Variants in MYH6 observed in about 807,000 individuals in gnomAD.
MYH6 encodes the protein myosin-6.
In MYH6, 126 loss-of-function variants were observed where a neutral mutation model predicts 223.2. The observed-to-expected ratio is 0.56, with a 90% CI of 0.49 to 0.65. The LOEUF is 0.65. Among genes scored for constraint, MYH6 ranks in the 30% least tolerant of loss-of-function variants. The probability of loss-of-function intolerance (pLI) is 0.00; values close to 1 mark genes in which losing one functional copy is unlikely to be tolerated. For missense variants in MYH6, 2,040 were observed against 2,536.4 expected (o/e 0.80, Z 4.20); for synonymous variants, 978 against 1,010.2 (o/e 0.97, Z 0.61).
In MYH6 at chr14:23,408,271, T is replaced by C; in HGVS notation, c.-65A>G. On this transcript the variant is annotated 5_prime_UTR_variant, in exon 1 of 39. Coordinates refer to ENST00000405093, the MANE Select transcript of MYH6 (RefSeq NM_002471.4). ...CTCTTACCTGGGCCGCAGGAGTCTC[T>C]CTATCTGTCCTCAAAGCTCCAGTTC... is the stretch of plus-strand genomic sequence containing the variant. The C allele has an allele frequency of 2.0e-6, 2 of 985,380 alleles. No homozygotes were observed. The highest frequency in any genetic ancestry group is 3.5e-5 in the African/African-American group (2 of 57,334). The allele number at this position is 985,380 out of a possible 1,614,324, so 61.0% of individuals were successfully genotyped here. A position where few individuals can be genotyped will look rare whatever the true frequency, so the allele number is the denominator to read the frequency against.
intron 15 of MYH6, among the ~76,000 whole-genome samples, chr14:23,397,944 T>TTCA (rs1566512375): frequency 1.6e-5 from 1 of 64,408 alleles, no homozygotes; most frequent in Admixed American, 1.6e-4. Flanking sequence ...CTTCTTCTTC[T>TTCA]TCTTCTTCTT....
At position 23,397,097 on chromosome 14, in the gene MYH6, G is replaced by A. The variant is rs1488047137; in HGVS notation, c.2051-17C>T. On this transcript the variant is annotated splice_polypyrimidine_tract_variant and intron_variant, in intron 17 of 38. Transcript: ENST00000405093. The stretch of plus-strand genomic sequence containing the variant: ...CCATCACCCCTGTGTCAGGAGGGAA[G>A]GGGAAAGGGTCAGCCTTAGGGTAAA... 2 of 1,614,252 alleles carry A rather than the reference G, an allele frequency of 1.2e-6. No individual in the cohort carries two copies. The highest frequency in any genetic ancestry group is 2.2e-5 in the South Asian group (2 of 91,084).
At chr14:23,388,500 C>T (rs992696048) in intron 29 of MYH6, 162 bp from the exon 30 acceptor site, 17 of 1,224,796 alleles carry the variant, frequency 1.4e-5, no homozygotes, top group African/African-American at 5.9e-5. Context: ...TCCGCCAGCA[C>T]GGGCTGCCCA....
chr14:23,396,620 C>T, intron 19 of MYH6, 74 bp downstream of exon 19: 1 of 1,610,474 alleles, frequency 6.2e-7, no homozygotes, highest in Non-Finnish European at 8.5e-7. Flanking sequence ...TAGGCTTCTG[C>T]CTCCTAAACT....
rs1891735145 is a variant in MYH6, at chr14:23,404,910, GC to G, written c.531-89del. 4.7e-6 allele frequency: 7 copies of G among 1,483,168 alleles called. No individual in the cohort carries two copies. In the African/African-American group the frequency reaches 8.3e-5, roughly 18 times the overall value. The allele number at this position is 1,483,168 out of a possible 1,614,324, so 91.9% of individuals were successfully genotyped here. A position where few individuals can be genotyped will look rare whatever the true frequency, so the allele number is the denominator to read the frequency against. On this transcript the variant is annotated intron_variant, in intron 6 of 38. Transcript: ENST00000405093. Reference sequence around the variant, plus strand: ...ATCACATGCTCCCCTTCCCAGCCTGGCCATCAGAGCCCAGCACCCAGCAGGA... The same window carrying G: ...ATCACATGCTCCCCTTCCCAGCCTGGCATCAGAGCCCAGCACCCAGCAGGA...
chr14:23,392,692 C>T, intron 24 of MYH6, 40 bp from the exon 25 acceptor site: 1 of 1,494,638 alleles, frequency 6.7e-7, no homozygotes, highest in Non-Finnish European at 9.3e-7. Context: ...GACAGGTAGC[C>T]TTCCTTCCTC....
In MYH6 at chr14:23,400,507, G is replaced by A; in HGVS notation, c.1411-81C>T. On this transcript the variant is annotated intron_variant, in intron 13 of 38. Coordinates refer to ENST00000405093, the MANE Select transcript of MYH6 (RefSeq NM_002471.4). The stretch of plus-strand genomic sequence containing the variant: ...GGGCTGTGCCCGTGCACTGTGCCGA[G>A]CCCAGCAGGGTATGGCTGTCCCCTC... 5.6e-6 allele frequency: 9 copies of A among 1,608,170 alleles called. 1 individual carries two copies. The South Asian group carries it at 9.9e-5, about 18-fold the overall frequency.
In MYH6 at chr14:23,394,131, C is replaced by T. The variant is rs1891323886; in HGVS notation, c.2622G>A (p.Glu874=). Residue 874 remains glutamate, a synonymous_variant, in exon 21 of 39, where the codon GAG becomes GAA. Transcript: ENST00000405093. ...GCAGGGACACCATCTTCTCCTCCAG[C>T]TCCTTGCGGCGAGCCTCGGACTTCT... ...TLEKSEARRK[E]LEEKMVSLLQ... 6.2e-7 allele frequency: 1 copy of T among 1,614,252 alleles called. No homozygotes were observed. Among genetic ancestry groups the T allele is most frequent in the Non-Finnish European group, 8.5e-7 (1 of 1,180,044 alleles).
rs1566512320 is a variant in MYH6 at position 23,397,937 on chromosome 14, CTTCTTCTTCT to C, written c.1892-334_1892-325del. 8.9e-3 allele frequency among the ~76,000 whole-genome samples: 534 copies of C among 60,212 alleles called. 26 individuals carry two copies. The highest frequency in any genetic ancestry group is 0.022 in the African/African-American group (343 of 15,326). 39.5% of individuals were successfully genotyped at this position (60,212 alleles called of 152,430 possible). On this transcript the variant is annotated intron_variant, in intron 15 of 38. Transcript: ENST00000405093. ...TCCTCCTCCTCCTCCTCCTCCTCTT[CTTCTTCTTCT>C]TCTTCTTCTTCTTCTTCTTCTTCTT...
chr14:23,396,428 C>A lies in MYH6; in HGVS notation c.2293-8G>T, dbSNP rs1891397463. On this transcript the variant is annotated splice_polypyrimidine_tract_variant and splice_region_variant and intron_variant, in intron 19 of 38. Transcript: ENST00000405093. ...CCCTGCCTTGAAGAACACCTGCAGG[C>A]AAGGGGTAGATGCAACAGGCCGCAG... 6.2e-7 allele frequency: 1 copy of A among 1,613,504 alleles called. No individual in the cohort carries two copies.
chr14:23,395,548 A>G (rs1891366251), intron 20 of MYH6, among the ~76,000 whole-genome samples: 1 of 149,584 alleles, frequency 6.7e-6, no homozygotes, highest in Admixed American at 6.6e-5. Context: ...TTTTTTTGAG[A>G]TGGAGTCTCG....
rs1439920300 is a variant in MYH6 at position 23,393,413 on chromosome 14, G to A, written c.3034C>T (p.Leu1012Phe). The change falls in exon 23 of 39, where the codon CTT becomes TTT. Residue 1012 changes from leucine (L) to phenylalanine (F), a missense_variant. This residue lies in a region of MYH6 where 1,203 missense variants were observed against 1,400.2 expected (regional missense o/e 0.86). Transcript: ENST00000405093. ...TTGACCTTGTCTTCCTCAACCTGAAGGTCATCCAGGGCCTGCTGATGGGCC... is the reference window on the plus strand; with the variant it reads ...TTGACCTTGTCTTCCTCAACCTGAAAGTCATCCAGGGCCTGCTGATGGGCC... ...QEAHQQALDDLQVEEDKVNSL... is the reference protein window; with the variant it reads ...QEAHQQALDDFQVEEDKVNSL... 1 of 1,614,134 alleles carries A rather than the reference G, an allele frequency of 6.2e-7. No homozygotes were observed. The highest frequency in any genetic ancestry group is 1.7e-4 in the Middle Eastern group (1 of 6,060).
chr14:23,389,794 A>T (rs1891175305), intron 26 of MYH6, 75 bp from the exon 27 acceptor site: 6 of 1,610,958 alleles, frequency 3.7e-6, no homozygotes, highest in Non-Finnish European at 5.1e-6. Flanking sequence ...AGGGTCAGAG[A>T]TGGGGAATGC....
rs1891210403 is a variant in MYH6 at position 23,390,574 on chromosome 14, G to A, written c.3343-128C>T. 2.0e-6 allele frequency: 3 copies of A among 1,520,794 alleles called. No homozygotes were observed. The Admixed American group carries it at 5.9e-5, about 30-fold the overall frequency. The allele number at this position is 1,520,794 out of a possible 1,614,324, so 94.2% of individuals were successfully genotyped here. A position where few individuals can be genotyped will look rare whatever the true frequency, so the allele number is the denominator to read the frequency against. On this transcript the variant is annotated intron_variant, in intron 25 of 38. Transcript: ENST00000405093. The stretch of plus-strand genomic sequence containing the variant: ...GGTTCTCAACTAGGGGCAATTTTGT[G>A]CCCCAGGGAACAGTTGGCAATGTCT...
At position 23,392,207 on chromosome 14, in the gene MYH6, CT is replaced by C. The variant is rs200757604; in HGVS notation, c.3342+354del. Among the ~76,000 whole-genome samples, 1,143 of 143,118 alleles carry C rather than the reference CT, an allele frequency of 8.0e-3. 14 individuals are homozygous for C. Among genetic ancestry groups the C allele is most frequent in the African/African-American group, 0.023 (890 of 39,176 alleles). 93.9% of individuals were successfully genotyped at this position (143,118 alleles called of 152,430 possible). On this transcript the variant is annotated intron_variant, in intron 25 of 38. Transcript: ENST00000405093. The stretch of plus-strand genomic sequence containing the variant: ...CTCACAGGAAGGTGCTCCTTGAAGC[CT>C]TTTTTTTTTTTCACCCTGCGTTCAG...
Position 23,392,566 on chromosome 14 carries a change from T to C in MYH6, c.3338A>G (p.Asn1113Ser). The change falls in exon 25 of 39, where the codon AAC becomes AGC. Residue 1113 changes from asparagine (N) to serine (S), a missense_variant. Transcript: ENST00000405093. ...TGCACTGGGAAAAAAAGTCACCTGG[T>C]TTTCCTTCAGTTTCTTCTGTAGTTG... ...ALQLQKKLKENQARIEELEEE... is the reference protein window; with the variant it reads ...ALQLQKKLKESQARIEELEEE... 1.2e-6 allele frequency: 2 copies of C among 1,611,968 alleles called. No homozygotes were observed. Among genetic ancestry groups the C allele is most frequent in the Non-Finnish European group, 8.5e-7 (1 of 1,178,200 alleles).
rs772688148 is a variant in MYH6, at chr14:23,398,803, C to T, written c.1816G>A (p.Val606Ile). Reference sequence around the variant, plus strand: ...GAGGACTTCTGGTACAGGGCCACAACAGTCTCGTTGAGAGGATCCTTGTTT... The same window carrying T: ...GAGGACTTCTGGTACAGGGCCACAATAGTCTCGTTGAGAGGATCCTTGTTT... ...EKNKDPLNET[V>I]VALYQKSSLK... The change falls in exon 15 of 39, where the codon GTT (valine) becomes ATT (isoleucine). Residue 606 changes from valine to isoleucine, a missense_variant. Physicochemically the swap from Val to Ile is conservative, Grantham distance 29. Around this residue, in one of 4 missense-constraint regions of MYH6, gnomAD observed 649 missense variants for 877.3 expected, o/e 0.74. Coordinates refer to ENST00000405093, the MANE Select transcript of MYH6 (RefSeq NM_002471.4). The T allele has an allele frequency of 6.2e-7, 1 of 1,614,092 alleles. No homozygotes were observed. Among genetic ancestry groups the T allele is most frequent in the Non-Finnish European group, 8.5e-7 (1 of 1,180,052 alleles).
At position 23,387,421 on chromosome 14, in the gene MYH6, T is replaced by C. The variant is rs78153491; in HGVS notation, c.4650+108A>G. ...TGGGTAGATAATGTTGAACAAAGAA[T>C]ATGGAATGAATAGATTTTGTCCTGG... On this transcript the variant is annotated intron_variant, in intron 32 of 38. Transcript: ENST00000405093. 2.3e-3 allele frequency: 3,550 copies of C among 1,547,832 alleles called. 82 individuals carry two copies. The African/African-American group carries it at 0.041, about 18-fold the overall frequency.
In MYH6 at chr14:23,390,149, G is replaced by A. The variant is rs199911460; in HGVS notation, c.3640C>T (p.Arg1214Trp). 6 of 1,610,722 alleles carry A rather than the reference G, an allele frequency of 3.7e-6. No homozygotes were observed. The highest frequency in any genetic ancestry group is 2.2e-5 in the South Asian group (2 of 90,950). Residue 1214 changes from arginine to tryptophan, a missense_variant, in exon 26 of 39, where the codon CGG becomes TGG. Physicochemically the swap from Arg to Trp is moderately radical, Grantham distance 101. Transcript: ENST00000405093. ...TCCTTCTCCAGCTTCTGCTTCACCC[G>A]CTGCAGGTTGTCGATCTGCTCGCCC... ...ELGEQIDNLQ[R>W]VKQKLEKEKS... is the part of the protein sequence containing the mutation.
Sources: allele counts gnomAD v4.1 joint callset (sites outside exome capture counted in the v4.1 genomes callset), GRCh38; gene constraint gnomAD v4.1.1; regional missense constraint gnomAD v4.1.1; transcripts MANE v1.5; gene names NCBI Gene and HGNC (gene_info 2026-07-23, HGNC 2026-07-21).